Variants in TIAM1 observed in about 807,000 individuals in gnomAD.
TIAM1 encodes the protein TIAM Rac1 associated GEF 1.
TIAM1 carries 65 observed loss-of-function variants against 163.5 expected under a neutral mutation model. That is an observed-to-expected ratio of 0.40 (90% CI 0.33 to 0.49). The LOEUF (loss-of-function observed/expected upper bound fraction) is 0.49, where lower values mean the gene tolerates loss of function less well. Among genes scored for constraint, TIAM1 ranks in the 20% least tolerant of loss-of-function variants. The pLI is 0.77. For missense variants in TIAM1, 1,789 were observed against 2,044.7 expected (o/e 0.87, Z 2.41); for synonymous variants, 833 against 810.1 (o/e 1.03, Z -0.48).
chr21:31,354,473 C>T (rs181434949), intron 2 of TIAM1, among the ~76,000 whole-genome samples: 28 of 152,190 alleles, frequency 1.8e-4, no homozygotes, highest in African/African-American at 6.5e-4. Flanking sequence ...CCCCTCCACA[C>T]CCCCACCACA....
chr21:31,431,749 T>C (rs2044036774), intron 2 of TIAM1, among the ~76,000 whole-genome samples: 2 of 152,192 alleles, frequency 1.3e-5, no homozygotes, highest in Admixed American at 6.5e-5. Context: ...TACAGTATGG[T>C]ACTGTCCTGA....
At chr21:31,348,645 T>G (rs2076186763), upstream of TIAM1, among the ~76,000 whole-genome samples, 1 of 152,208 alleles carries the variant, frequency 6.6e-6, no homozygotes, top group Non-Finnish European at 1.5e-5. Flanking sequence ...ATGAAAGGTC[T>G]AAATATGGAT....
chr21:31,187,087 C>G lies in TIAM1; in HGVS notation c.2576G>C (p.Gly859Ala), dbSNP rs1218411676. Residue 859 changes from glycine to alanine, a missense_variant and splice_region_variant, in exon 14 of 28, where the codon GGG becomes GCG. Gly to Ala is a moderately conservative substitution (Grantham distance 60, BLOSUM62 0). Coordinates refer to ENST00000541036, the MANE Select transcript of TIAM1 (RefSeq NM_001353694.2). Reference sequence around the variant, plus strand: ...TTCTTCCACAGAAGAAAGTGAAAACCCTGTGAAACACAAAAAGACAGAATG... The same window carrying G: ...TTCTTCCACAGAAGAAAGTGAAAACGCTGTGAAACACAAAAAGACAGAATG... ...EKSDTAADTY[G>A]FSLSSVEEDG... 1 of 1,613,956 alleles carries G rather than the reference C, an allele frequency of 6.2e-7. No homozygotes were observed. The highest frequency in any genetic ancestry group is 8.5e-7 in the Non-Finnish European group (1 of 1,179,920).
intron 2 of TIAM1, among the ~76,000 whole-genome samples, chr21:31,429,875 G>A (rs2043938540): frequency 6.6e-6 from 1 of 152,128 alleles, no homozygotes; most frequent in Non-Finnish European, 1.5e-5. Context: ...GCCAGAGGCA[G>A]AGACAACAGT....
chr21:31,332,419 A>C (rs909239387), intron 2 of TIAM1, among the ~76,000 whole-genome samples: 1 of 152,176 alleles, frequency 6.6e-6, no homozygotes, highest in African/African-American at 2.4e-5. Context: ...GGCTCAACTA[A>C]GGTTGAAGAG....
chr21:31,497,456 G>A (rs753260460), intron 1 of TIAM1, among the ~76,000 whole-genome samples: 1 of 152,110 alleles, frequency 6.6e-6, no homozygotes, highest in Admixed American at 6.6e-5. Context: ...TTTCAGAAGT[G>A]GAGAGGAAAA....
rs186211600 is a variant in TIAM1, at chr21:31,514,934, T to A, written c.-422+43993A>T. On this transcript the variant is annotated intron_variant, in intron 1 of 28. Transcript: ENST00000286827. ...GAGTTGGGAGAGATGGAAAGCAAGATAGAGTCACTTTATTTCTTGCTTCCA... is the reference window on the plus strand; with the variant it reads ...GAGTTGGGAGAGATGGAAAGCAAGAAAGAGTCACTTTATTTCTTGCTTCCA... 6.1e-3 allele frequency among the ~76,000 whole-genome samples: 930 copies of A among 152,312 alleles called. 15 individuals carry two copies. The highest frequency in any genetic ancestry group is 0.022 in the African/African-American group (901 of 41,582).
At chr21:31,243,215 T>G (rs1292797504) in intron 6 of TIAM1, among the ~76,000 whole-genome samples, 6 of 141,132 alleles carry the variant, frequency 4.3e-5, no homozygotes, top group Non-Finnish European at 9.2e-5. Flanking sequence ...AAAAAATATA[T>G]ATATATATAT....
At chr21:31,534,404 C>T (rs532402672) in intron 1 of TIAM1, among the ~76,000 whole-genome samples, 1 of 152,186 alleles carries the variant, frequency 6.6e-6, no homozygotes, top group Non-Finnish European at 1.5e-5. Flanking sequence ...CCAAAATCAA[C>T]TGGGTTCATG....
chr21:31,541,862 A>G (rs79320282), intron 1 of TIAM1, among the ~76,000 whole-genome samples: 4,252 of 152,352 alleles, frequency 0.028, 106 homozygotes, highest in Non-Finnish European at 0.039. Context: ...TTAAAAGAGT[A>G]AGCTGATCCA....
chr21:31,431,996 T>A (rs1295277387), intron 2 of TIAM1, among the ~76,000 whole-genome samples: 4 of 152,058 alleles, frequency 2.6e-5, no homozygotes. Flanking sequence ...TATGCAGAGT[T>A]ACATGCCATC....
chr21:31,430,712 G>C (rs1569324871), intron 2 of TIAM1, among the ~76,000 whole-genome samples: 1 of 152,116 alleles, frequency 6.6e-6, no homozygotes, highest in Non-Finnish European at 1.5e-5. Flanking sequence ...GAATTTCTAA[G>C]AATTAGGTTC....
intron 2 of TIAM1, among the ~76,000 whole-genome samples, chr21:31,450,903 G>A (rs1337285848): frequency 6.6e-6 from 1 of 152,032 alleles, no homozygotes; most frequent in Non-Finnish European, 1.5e-5. Context: ...CAACATGTGG[G>A]AATTACGGGA....
At chr21:31,169,747 T>C (rs1166268455) in intron 15 of TIAM1, among the ~76,000 whole-genome samples, 4 of 149,008 alleles carry the variant, frequency 2.7e-5, no homozygotes, top group Admixed American at 6.7e-5. Context: ...CCCCCTCAAC[T>C]CCCCAAAAAA....
chr21:31,380,892 C>A (rs2076767992), intron 2 of TIAM1, among the ~76,000 whole-genome samples: 1 of 152,136 alleles, frequency 6.6e-6, no homozygotes, highest in Admixed American at 6.5e-5. Flanking sequence ...AAGTCCCAAC[C>A]CCTTCACTCA....
At chr21:31,194,270 A>G (rs2085733806) in intron 13 of TIAM1, among the ~76,000 whole-genome samples, 1 of 150,862 alleles carries the variant, frequency 6.6e-6, no homozygotes, top group Admixed American at 6.7e-5. Context: ...TTTGCTATTA[A>G]AAAAATCATA....
chr21:31,522,018 C>A (rs928386004), intron 1 of TIAM1, among the ~76,000 whole-genome samples: 4 of 151,842 alleles, frequency 2.6e-5, no homozygotes, highest in Admixed American at 2.0e-4. Context: ...ACTAGAGGCG[C>A]CTGCAACCAC....
At chr21:31,228,303 A>G (rs972149512) in intron 6 of TIAM1, among the ~76,000 whole-genome samples, 33 of 148,120 alleles carry the variant, frequency 2.2e-4, no homozygotes, top group African/African-American at 6.7e-4. Flanking sequence ...CAGTGTTGGC[A>G]AAGATATGGA....
intron 2 of TIAM1, among the ~76,000 whole-genome samples, chr21:31,319,930 T>C (rs943788083): frequency 1.3e-5 from 2 of 152,164 alleles, no homozygotes; most frequent in Non-Finnish European, 2.9e-5. Flanking sequence ...TGGAGAAGTG[T>C]CTATCCAAGT....
Sources: gnomAD v4.1 joint callset for allele counts (sites outside exome capture counted in the v4.1 genomes callset) on GRCh38, gnomAD v4.1.1 for gene constraint, MANE v1.5 for transcripts, NCBI Gene and HGNC (gene_info 2026-07-23, HGNC 2026-07-21) for gene names.